The following ATP4A variants were observed in gnomAD, a reference collection of about 807,000 sequenced individuals.
ATP4A encodes ATPase H+/K+ transporting subunit alpha.
ATP4A carries 73 observed loss-of-function variants against 112.1 expected under a neutral mutation model. The ratio of observed to expected loss-of-function variants is 0.65; its 90% CI spans 0.54 to 0.79. The LOEUF (loss-of-function observed/expected upper bound fraction) is 0.79, where lower values mean the gene tolerates loss of function less well. Ranked by LOEUF, ATP4A falls within the 30% of genes least tolerant of loss-of-function variation. The probability of loss-of-function intolerance (pLI) is 0.00; values close to 1 mark genes in which losing one functional copy is unlikely to be tolerated. For missense variants in ATP4A, 1,081 were observed against 1,425.9 expected, an observed-to-expected ratio of 0.76 and a Z score of 3.90; for synonymous variants, 588 against 588.9, an observed-to-expected ratio of 1.00 and a Z score of 0.02.
chr19:35,557,602 T>C lies in ATP4A; in HGVS notation c.1693+53A>G, dbSNP rs2071638332. 1.3e-6 allele frequency: 2 copies of C among 1,529,378 alleles called. No homozygotes were observed. Among genetic ancestry groups the C allele is most frequent in the Non-Finnish European group, 1.8e-6 (2 of 1,131,768 alleles). 94.7% of individuals were successfully genotyped at this position (1,529,378 alleles called of 1,614,324 possible). On this transcript the variant is annotated intron_variant, in intron 11 of 21. Transcript: ENST00000262623. This position sits in a 1 kb window ranked among gnomAD's most constrained non-coding sequence, Gnocchi z 4.4. ...TGGGCCGGGAGTGGTGGGCAGGGTC[T>C]GTGCTAGCTCCTCCTCGCACCTGGA... is the stretch of plus-strand genomic sequence containing the variant.
chr19:35,558,778 CT>C lies in ATP4A; in HGVS notation c.1256-93del. 1 of 1,376,764 alleles carries C rather than the reference CT, an allele frequency of 7.3e-7. No homozygotes were observed. The allele number at this position is 1,376,764 out of a possible 1,614,324, so 85.3% of individuals were successfully genotyped here. A position where few individuals can be genotyped will look rare whatever the true frequency, so the allele number is the denominator to read the frequency against. On this transcript the variant is annotated intron_variant, in intron 8 of 21. Transcript: ENST00000262623. The surrounding 1 kb of genome is among the most constrained non-coding windows in gnomAD (Gnocchi z 5.1). ...CTCCTAGGCTCATATCGCGGGCCCC[CT>C]CCCCAGACCTGGGTGGAATTGGGTT...
rs1435558753 is a variant in ATP4A, at chr19:35,555,576, C to T, written c.2021G>A (p.Cys674Tyr). 1.9e-6 allele frequency: 3 copies of T among 1,581,288 alleles called. No homozygotes were observed. The highest frequency in any genetic ancestry group is 2.6e-6 in the Non-Finnish European group (3 of 1,157,982). ...DQVNRKDARA[C>Y]VINGMQLKDM... is the part of the protein sequence containing the mutation. ...CTTCAGCTGCATGCCATTGATCACA[C>T]AGGCACGGGCATCCCTGGGGAGGAG... is the stretch of plus-strand genomic sequence containing the variant. Residue 674 changes from cysteine to tyrosine, a missense_variant, in exon 14 of 22, where the codon TGT becomes TAT. By Grantham distance (194) the Cys-to-Tyr change is radical (BLOSUM62 -2). Coordinates refer to ENST00000262623, the MANE Select transcript of ATP4A (RefSeq NM_000704.3). This position sits in a 1 kb window ranked among gnomAD's most constrained non-coding sequence, Gnocchi z 6.6.
chr19:35,558,751 T>G lies in ATP4A; in HGVS notation c.1256-65A>C. The G allele has an allele frequency of 6.7e-7, 1 of 1,482,574 alleles. No homozygotes were observed. Among genetic ancestry groups the G allele is most frequent in the Non-Finnish European group, 9.0e-7 (1 of 1,105,228 alleles). 91.8% of individuals were successfully genotyped at this position (1,482,574 alleles called of 1,614,324 possible). ...TCTCCCGGACCAGAACCGAGCCCCC[T>G]CCTCCTAGGCTCATATCGCGGGCCC... On this transcript the variant is annotated intron_variant, in intron 8 of 21. Transcript: ENST00000262623. This position sits in a 1 kb window ranked among gnomAD's most constrained non-coding sequence, Gnocchi z 5.1.
chr19:35,553,873 C>G (rs1168163690), intron 16 of ATP4A, 44 bp from the exon 17 acceptor site: 1 of 1,536,966 alleles, frequency 6.5e-7, no homozygotes, highest in Non-Finnish European at 8.8e-7. Flanking sequence ...TTTGGCTGGG[C>G]CCTTGTCCCC....
chr19:35,559,681 G>A lies in ATP4A; in HGVS notation c.1056+124C>T. On this transcript the variant is annotated intron_variant, in intron 7 of 21. Coordinates refer to ENST00000262623, the MANE Select transcript of ATP4A (RefSeq NM_000704.3). This position sits in a 1 kb window ranked among gnomAD's most constrained non-coding sequence, Gnocchi z 4.1. ...GAATGAGTGGATGATGGGAAGGCAGGAGAATGGATGGGAGCTAAGTGGACA... is the reference window on the plus strand; with the variant it reads ...GAATGAGTGGATGATGGGAAGGCAGAAGAATGGATGGGAGCTAAGTGGACA... The A allele has an allele frequency of 7.1e-7, 1 of 1,412,046 alleles. No individual in the cohort carries two copies. Among genetic ancestry groups the A allele is most frequent in the Non-Finnish European group, 9.5e-7 (1 of 1,056,028 alleles). 87.5% of individuals were successfully genotyped at this position (1,412,046 alleles called of 1,614,324 possible).
Position 35,560,841 on chromosome 19 carries a change from C to G in ATP4A, c.512G>C (p.Ser171Thr), listed in dbSNP as rs1172757345. 1 of 1,613,990 alleles carries G rather than the reference C, an allele frequency of 6.2e-7. No individual in the cohort carries two copies. The change falls in exon 5 of 22, where the codon AGC (serine) becomes ACC (threonine). Residue 171 changes from serine to threonine, a missense_variant. Around this residue, in one of 3 missense-constraint regions of ATP4A, gnomAD observed 850 missense variants for 1,068.2 expected, o/e 0.80. Transcript: ENST00000262623. The surrounding 1 kb of genome is among the most constrained non-coding windows in gnomAD (Gnocchi z 5.1). ...QEFKSTNIIA[S>T]FKNLVPQQAT... ...CACCTGTGGCACAAGGTTCTTAAAG[C>G]TGGCGATGATGTTGGTGCTCTTGAA... is the stretch of plus-strand genomic sequence containing the variant.
chr19:35,555,344 G>A lies in ATP4A; in HGVS notation c.2158-10C>T, dbSNP rs539987664. The A allele has an allele frequency of 6.2e-7, 1 of 1,609,308 alleles. No homozygotes were observed. Among genetic ancestry groups the A allele is most frequent in the Non-Finnish European group, 8.5e-7 (1 of 1,176,854 alleles). On this transcript the variant is annotated splice_polypyrimidine_tract_variant and intron_variant, in intron 14 of 21. Transcript: ENST00000262623. This position sits in a 1 kb window ranked among gnomAD's most constrained non-coding sequence, Gnocchi z 6.6. Reference sequence around the variant, plus strand: ...CGGCCACAATCGCACCCTGCAGGCAGTGGGTGCAGGTGGTGGGTGGGTGGT... The same window carrying A: ...CGGCCACAATCGCACCCTGCAGGCAATGGGTGCAGGTGGTGGGTGGGTGGT...
rs2071629547 is a variant in ATP4A, at chr19:35,555,993, G to T, written c.1870-181C>A. On this transcript the variant is annotated intron_variant, in intron 12 of 21. Coordinates refer to ENST00000262623, the MANE Select transcript of ATP4A (RefSeq NM_000704.3). This position sits in a 1 kb window ranked among gnomAD's most constrained non-coding sequence, Gnocchi z 6.6. ...ATCCCTGTCCTTGAGGAGCTCTAGT[G>T]AGGGTGACAGAAAATAAAGAAACGA... is the stretch of plus-strand genomic sequence containing the variant. Among the ~76,000 whole-genome samples the T allele has an allele frequency of 7.7e-6, 1 of 130,690 alleles. No individual in the cohort carries two copies. The highest frequency in any genetic ancestry group is 2.5e-4 in the South Asian group (1 of 4,038). 85.7% of individuals were successfully genotyped at this position (130,690 alleles called of 152,430 possible).
In ATP4A at chr19:35,555,848, G is replaced by A. The variant is rs750752202; in HGVS notation, c.1870-36C>T. On this transcript the variant is annotated intron_variant, in intron 12 of 21. Coordinates refer to ENST00000262623, the MANE Select transcript of ATP4A (RefSeq NM_000704.3). The surrounding 1 kb of genome is among the most constrained non-coding windows in gnomAD (Gnocchi z 6.6). ...AACCAGTGGATCACTGACCCCTTCA[G>A]ATCAGCCCAATCTCCCTGTCCTCCC... 33 of 1,575,428 alleles carry A rather than the reference G, an allele frequency of 2.1e-5. No individual in the cohort carries two copies. In the South Asian group the frequency reaches 3.3e-4, roughly 16 times the overall value.
Position 35,553,736 on chromosome 19 carries a change from G to T in ATP4A, c.2575C>A (p.Pro859Thr), listed in dbSNP as rs1425073988. ...TGGAAGTAGGAGTAGGCAGCCAGGGGCTCGTTGACCAATCTGTCACGCTTT... is the reference window on the plus strand; with the variant it reads ...TGGAAGTAGGAGTAGGCAGCCAGGGTCTCGTTGACCAATCTGTCACGCTTT... ...NPKRDRLVNE[P>T]LAAYSYFQIG... The change falls in exon 17 of 22, where the codon CCC becomes ACC. Residue 859 changes from proline (P) to threonine (T), a missense_variant. Pro to Thr is a conservative substitution (Grantham distance 38). Around this residue, in one of 3 missense-constraint regions of ATP4A, gnomAD observed 219 missense variants for 320.9 expected, o/e 0.68. Transcript: ENST00000262623. The T allele has an allele frequency of 6.8e-6, 11 of 1,613,652 alleles. No individual in the cohort carries two copies. Among genetic ancestry groups the T allele is most frequent in the Non-Finnish European group, 9.3e-6 (11 of 1,179,882 alleles).
At position 35,559,424 on chromosome 19, in the gene ATP4A, A is replaced by T. The variant is rs1168557634; in HGVS notation, c.1057-233T>A. Reference sequence around the variant, plus strand: ...GCGAGGCCCCTCTCTGAGCTGTCCCAGCCGAGGTTCTGAAAATTCTCTTCA... The same window carrying T: ...GCGAGGCCCCTCTCTGAGCTGTCCCTGCCGAGGTTCTGAAAATTCTCTTCA... On this transcript the variant is annotated intron_variant, in intron 7 of 21. Transcript: ENST00000262623. This position sits in a 1 kb window ranked among gnomAD's most constrained non-coding sequence, Gnocchi z 4.1. Among the ~76,000 whole-genome samples the T allele has an allele frequency of 6.6e-6, 1 of 152,214 alleles. No homozygotes were observed. The highest frequency in any genetic ancestry group is 2.4e-5 in the African/African-American group (1 of 41,456).
intron 1 of ATP4A, 36 bp from the exon 2 acceptor site, chr19:35,563,563 G>T: frequency 1.2e-6 from 2 of 1,613,932 alleles, no homozygotes; most frequent in Non-Finnish European, 1.7e-6. Context: ...GGAGAACTCA[G>T]ATTCCACTGC....
chr19:35,552,465 G>GTAGACTTTGA (rs1418046632), intron 18 of ATP4A, among the ~76,000 whole-genome samples: 1 of 152,186 alleles, frequency 6.6e-6, no homozygotes, highest in Non-Finnish European at 1.5e-5. Context: ...AACCACTGAG[G>GTAGACTTTGA]TAGACTTTGA....
Position 35,558,890 on chromosome 19 carries a change from C to T in ATP4A, c.1255+103G>A, listed in dbSNP as rs1029614055. 303 of 1,443,762 alleles carry T rather than the reference C, an allele frequency of 2.1e-4. 1 individual carries two copies. Among genetic ancestry groups the T allele is most frequent in the Non-Finnish European group, 2.8e-4 (290 of 1,050,326 alleles). 89.4% of individuals were successfully genotyped at this position (1,443,762 alleles called of 1,614,324 possible). A position where few individuals can be genotyped will look rare whatever the true frequency, so the allele number is the denominator to read the frequency against. ...TCTCCTTTGAGACCTGGAGCCGAGC[C>T]GCCCCGCCTTCGTACAAAGCCCTCC... On this transcript the variant is annotated intron_variant, in intron 8 of 21. Coordinates refer to ENST00000262623, the MANE Select transcript of ATP4A (RefSeq NM_000704.3). This position sits in a 1 kb window ranked among gnomAD's most constrained non-coding sequence, Gnocchi z 5.1.
At chr19:35,556,500 C>A (rs1007214102) in intron 12 of ATP4A, among the ~76,000 whole-genome samples, 1 of 152,210 alleles carries the variant, frequency 6.6e-6, no homozygotes, top group African/African-American at 2.4e-5. Flanking sequence ...CCTGGCCAAT[C>A]AAGGTCTTCC....
At chr19:35,553,577 C>T (rs1456310172) in intron 17 of ATP4A, 129 bp downstream of exon 17, 34 of 1,360,446 alleles carry the variant, frequency 2.5e-5, no homozygotes, top group African/African-American at 5.8e-5. Flanking sequence ...CGGAGGACAA[C>T]GGAGACCCAG....
rs1422973801 is a variant in ATP4A at position 35,559,723 on chromosome 19, G to A, written c.1056+82C>T. 1 of 1,538,072 alleles carries A rather than the reference G, an allele frequency of 6.5e-7. No individual in the cohort carries two copies. Among genetic ancestry groups the A allele is most frequent in the South Asian group, 1.2e-5 (1 of 80,062 alleles). On this transcript the variant is annotated intron_variant, in intron 7 of 21. Coordinates refer to ENST00000262623, the MANE Select transcript of ATP4A (RefSeq NM_000704.3). This position sits in a 1 kb window ranked among gnomAD's most constrained non-coding sequence, Gnocchi z 4.1. ...AAGTGGACAGATAGACAGGCAGGGA[G>A]GTGATGGGGGAAATGTGGAGGAAAG... is the stretch of plus-strand genomic sequence containing the variant.
Position 35,559,023 on chromosome 19 carries a change from G to T in ATP4A, c.1225C>A (p.His409Asn), listed in dbSNP as rs1340428955. ...TGGTCTTCCGTGGTGTCAGCTGTGT[G>T]GATGTGGTTGTCAAACCACAGATGG... ...VSHLWFDNHI[H>N]TADTTEDQSG... The change falls in exon 8 of 22, where the codon CAC becomes AAC. Residue 409 changes from histidine (H) to asparagine (N), a missense_variant. His to Asn is a moderately conservative substitution (Grantham distance 68, BLOSUM62 1). Coordinates refer to ENST00000262623, the MANE Select transcript of ATP4A (RefSeq NM_000704.3). The surrounding 1 kb of genome is among the most constrained non-coding windows in gnomAD (Gnocchi z 4.1). 3 of 1,614,200 alleles carry T rather than the reference G, an allele frequency of 1.9e-6. No individual in the cohort carries two copies. The Admixed American group carries it at 5.0e-5, about 27-fold the overall frequency.
At chr19:35,553,524 G>A (rs1421354555) in intron 17 of ATP4A, among the ~76,000 whole-genome samples, 182 bp downstream of exon 17, 1 of 152,166 alleles carries the variant, frequency 6.6e-6, no homozygotes, top group African/African-American at 2.4e-5. Flanking sequence ...AGAGAGCAGG[G>A]ACACAGCAGA....
Sources: gnomAD v4.1 joint callset for allele counts (sites outside exome capture counted in the v4.1 genomes callset) on GRCh38, gnomAD v4.1.1 for gene constraint, gnomAD v4.1.1 regional missense constraint, Gnocchi (gnomAD v3.1) non-coding constraint, MANE v1.5 for transcripts, NCBI Gene and HGNC (gene_info 2026-07-23, HGNC 2026-07-21) for gene names.